Variants in NNMT observed in about 807,000 individuals in gnomAD.
NNMT encodes nicotinamide N-methyltransferase.
A neutral mutation model predicts 11.7 loss-of-function variants in NNMT; 10 were observed. The observed-to-expected ratio is 0.85, with a 90% CI of 0.53 to 1.45. The LOEUF is 1.45. NNMT is among the 40% of genes most tolerant of loss of function. The pLI is 0.00. For missense variants in NNMT, 381 were observed against 319.4 expected, an observed-to-expected ratio of 1.19 and a Z score of -1.47; for synonymous variants, 143 against 133.8, an observed-to-expected ratio of 1.07 and a Z score of -0.48.
At position 114,301,484 on chromosome 11, in the gene NNMT, G is replaced by T. The variant is rs950759754; in HGVS notation, c.362+3326G>T. Among the ~76,000 whole-genome samples, 3 of 152,150 alleles carry T rather than the reference G, an allele frequency of 2.0e-5. No homozygotes were observed. In the East Asian group the frequency reaches 5.8e-4, roughly 29 times the overall value. On this transcript the variant is annotated intron_variant, in intron 2 of 2. Coordinates refer to ENST00000299964, the MANE Select transcript of NNMT (RefSeq NM_006169.3). Reference sequence around the variant, plus strand: ...AGCCACGAAAAGACATGGAGGAAATGTAAATACAATTACTAATTGAAAGAA... The same window carrying T: ...AGCCACGAAAAGACATGGAGGAAATTTAAATACAATTACTAATTGAAAGAA...
chr11:114,312,646 C>T lies in NNMT; in HGVS notation c.*169C>T. On this transcript the variant is annotated 3_prime_UTR_variant, in exon 3 of 3. Coordinates refer to ENST00000299964, the MANE Select transcript of NNMT (RefSeq NM_006169.3). ...CTACAAGCAATCCATTGACCACTTA[C>T]TTGGTGCTGCACACAAATGTTGGTG... The T allele has an allele frequency of 3.2e-6, 2 of 617,758 alleles. No homozygotes were observed. Among genetic ancestry groups the T allele is most frequent in the South Asian group, 2.2e-5 (1 of 46,472 alleles). 38.3% of individuals were successfully genotyped at this position (617,758 alleles called of 1,614,324 possible).
intron 2 of NNMT, among the ~76,000 whole-genome samples, chr11:114,304,219 C>T (rs1385865117): frequency 6.6e-6 from 1 of 152,214 alleles, no homozygotes; most frequent in Non-Finnish European, 1.5e-5. Context: ...TTAGACAACA[C>T]ACCTTGCCAA....
chr11:114,295,555 G>T (rs564431462), upstream of NNMT, among the ~76,000 whole-genome samples: 1 of 149,024 alleles, frequency 6.7e-6, no homozygotes, highest in South Asian at 2.1e-4. Flanking sequence ...CTCCCAAGTA[G>T]CTGGGACTGC....
chr11:114,312,433 G>C lies in NNMT; in HGVS notation c.751G>C (p.Gly251Arg). The stretch of plus-strand genomic sequence containing the variant: ...TTCTTCCACCATGGCCAACAACGAA[G>C]GACTTTTCTCCCTGGTGGCGAGGAA... ...SYSSTMANNE[G>R]LFSLVARKLS... The change falls in exon 3 of 3, where the codon GGA becomes CGA. Residue 251 changes from glycine to arginine, a missense_variant. Gly to Arg is a moderately radical substitution (Grantham distance 125). Coordinates refer to ENST00000299964, the MANE Select transcript of NNMT (RefSeq NM_006169.3). The C allele has an allele frequency of 1.2e-6, 2 of 1,614,122 alleles. No individual in the cohort carries two copies. The highest frequency in any genetic ancestry group is 1.7e-6 in the Non-Finnish European group (2 of 1,179,978).
upstream of NNMT, among the ~76,000 whole-genome samples, chr11:114,292,901 G>C (rs1028782926): frequency 3.9e-5 from 6 of 152,078 alleles, no homozygotes; most frequent in Non-Finnish European, 7.4e-5. Flanking sequence ...TGGGAATGAG[G>C]CACATTTCCC....
At chr11:114,298,205 G>A (rs1335164773) in intron 2 of NNMT, 47 bp downstream of exon 2, 1 of 1,549,794 alleles carries the variant, frequency 6.5e-7, no homozygotes, top group Non-Finnish European at 8.9e-7. Flanking sequence ...GTACCTGAGT[G>A]ATGGTTGGCA....
chr11:114,308,481 C>G (rs1407760541), intron 2 of NNMT, among the ~76,000 whole-genome samples: 1 of 152,184 alleles, frequency 6.6e-6, no homozygotes, highest in Non-Finnish European at 1.5e-5. Context: ...AGAAAGGGTT[C>G]TTCCCGGGGC....
rs565991393 is a variant in NNMT at position 114,274,199 on chromosome 11, C to G, written c.-130+11265C>G. Among the ~76,000 whole-genome samples, 3 of 152,320 alleles carry G rather than the reference C, an allele frequency of 2.0e-5. No homozygotes were observed. The East Asian group carries it at 5.8e-4, about 29-fold the overall frequency. ...AAACAAACGTGTCTCTCTAAGAAGT[C>G]TAGAGAAAGTAGAACCTTTTGGGAA... On this transcript the variant is annotated intron_variant, in intron 2 of 4. Transcript: ENST00000535401.
At chr11:114,272,691 G>T (rs542328597) in intron 2 of NNMT, among the ~76,000 whole-genome samples, 1 of 152,184 alleles carries the variant, frequency 6.6e-6, no homozygotes, top group Non-Finnish European at 1.5e-5. Context: ...TGACTGCTCT[G>T]CCCGTCACCA....
intron 1 of NNMT, 34 bp downstream of exon 1, chr11:114,296,744 G>A: frequency 1.2e-6 from 2 of 1,610,000 alleles, no homozygotes; most frequent in Non-Finnish European, 1.7e-6. Flanking sequence ...CCCCACTAAT[G>A]TGAGTCATAT....
intron 2 of NNMT, among the ~76,000 whole-genome samples, chr11:114,279,417 G>A (rs1945241858): frequency 1.3e-5 from 2 of 152,180 alleles, no homozygotes; most frequent in Admixed American, 6.5e-5. Flanking sequence ...AAGCTGCAGC[G>A]AAGATGAATC....
intron 1 of NNMT, among the ~76,000 whole-genome samples, chr11:114,259,030 A>G (rs566458935): frequency 1.3e-5 from 2 of 152,358 alleles, no homozygotes; most frequent in Non-Finnish European, 1.5e-5. Flanking sequence ...TAGAGTCTCT[A>G]TAGTACCATT....
chr11:114,280,163 G>A (rs1295472227), intron 2 of NNMT, among the ~76,000 whole-genome samples: 1 of 152,172 alleles, frequency 6.6e-6, no homozygotes, highest in Non-Finnish European at 1.5e-5. Context: ...AGTTGGGAAG[G>A]GAAGGGAAGG....
intron 2 of NNMT, among the ~76,000 whole-genome samples, chr11:114,299,504 G>C (rs1261332993): frequency 6.6e-6 from 1 of 152,200 alleles, no homozygotes; most frequent in African/African-American, 2.4e-5. Flanking sequence ...CACAAATTTT[G>C]ATATCAGCAT....
chr11:114,264,282 G>C (rs114540785), intron 2 of NNMT, among the ~76,000 whole-genome samples: 3,183 of 151,994 alleles, frequency 0.021, 94 homozygotes, highest in African/African-American at 0.071. Context: ...ATTCTAGAGA[G>C]CTGTCTGCAG....
At chr11:114,267,264 CAAAT>C (rs1349331851) in intron 2 of NNMT, among the ~76,000 whole-genome samples, 1 of 152,182 alleles carries the variant, frequency 6.6e-6, no homozygotes, top group African/African-American at 2.4e-5. Flanking sequence ...GACTCCATCT[CAAAT>C]AAATAAATAA....
chr11:114,275,027 C>T (rs547214594), intron 2 of NNMT, among the ~76,000 whole-genome samples: 1 of 152,272 alleles, frequency 6.6e-6, no homozygotes, highest in African/African-American at 2.4e-5. Flanking sequence ...ATTTCAGGCA[C>T]CAGGAAAGTT....
At chr11:114,307,122 C>T (rs547469522) in intron 2 of NNMT, among the ~76,000 whole-genome samples, 3 of 152,272 alleles carry the variant, frequency 2.0e-5, no homozygotes, top group African/African-American at 7.2e-5. Flanking sequence ...GTGCTCTTGC[C>T]ACCTTATCTC....
intron 2 of NNMT, among the ~76,000 whole-genome samples, chr11:114,284,046 C>G (rs1945279591): frequency 6.6e-6 from 1 of 152,120 alleles, no homozygotes; most frequent in Non-Finnish European, 1.5e-5. Context: ...AAATCAGGTC[C>G]CAGTAAGTTT....
Sources: gnomAD v4.1 joint callset for allele counts (sites outside exome capture counted in the v4.1 genomes callset) on GRCh38, gnomAD v4.1.1 for gene constraint, MANE v1.5 for transcripts, NCBI Gene and HGNC (gene_info 2026-07-23, HGNC 2026-07-21) for gene names.